KIF6: variants seen among roughly 807,000 people sequenced by gnomAD.
KIF6 encodes the protein kinesin family member 6.
Under a neutral mutation model 112.7 loss-of-function variants are expected in KIF6, and 106 were observed. That is an observed-to-expected ratio of 0.94 (90% confidence interval 0.80 to 1.11). KIF6 has a LOEUF of 1.11. Ranked by LOEUF, KIF6 falls within the 50% of genes least tolerant of loss-of-function variation. KIF6 has a pLI of 0.00. For missense variants in KIF6, 929 were observed against 964.0 expected (o/e 0.96, Z 0.48); for synonymous variants, 339 against 339.9 (o/e 1.00, Z 0.03).
chr6:39,626,989 C>T lies in KIF6; in HGVS notation c.509+7860G>A, dbSNP rs185763879. ...CACCTCATTCCAGTCCTACACACTA[C>T]TAACTGATTTTTCTTCCTAAAAGGC... is the stretch of plus-strand genomic sequence containing the variant. On this transcript the variant is annotated intron_variant, in intron 5 of 22. Transcript: ENST00000287152. 2.1e-3 allele frequency among the ~76,000 whole-genome samples: 319 copies of T among 152,248 alleles called. 1 individual carries two copies. The Middle Eastern group carries it at 0.024, about 11-fold the overall frequency.
chr6:39,646,386 T>G lies in KIF6; in HGVS notation c.252-6629A>C, dbSNP rs201404530. Among the ~76,000 whole-genome samples, 3 of 152,090 alleles carry G rather than the reference T, an allele frequency of 2.0e-5. No individual in the cohort carries two copies. In the South Asian group the frequency reaches 6.2e-4, roughly 32 times the overall value. ...TTGATGTCAGCAGAGGTCTTCTAAC[T>G]ACATTTTGTCCACCCAAAGAATTCC... On this transcript the variant is annotated intron_variant, in intron 3 of 22. Transcript: ENST00000287152.
intron 19 of KIF6, among the ~76,000 whole-genome samples, chr6:39,348,604 G>A (rs1408137108): frequency 6.6e-6 from 1 of 152,104 alleles, no homozygotes; most frequent in Non-Finnish European, 1.5e-5. Context: ...TCATGTTGAC[G>A]CCCCTCTGGA....
At position 39,540,549 on chromosome 6, in the gene KIF6, C is replaced by T. The variant is rs561722711; in HGVS notation, c.1427-328G>A. 6.6e-5 allele frequency among the ~76,000 whole-genome samples: 10 copies of T among 152,352 alleles called. No individual in the cohort carries two copies. In the East Asian group the frequency reaches 1.3e-3, roughly 21 times the overall value. ...AGTAGTAGACAATAGGCTATGTATA[C>T]ATCTTCCCAGATAAAAGATGAATTT... On this transcript the variant is annotated intron_variant, in intron 12 of 22. Transcript: ENST00000287152.
chr6:39,361,643 G>T (rs879638988), intron 17 of KIF6, among the ~76,000 whole-genome samples: 15 of 152,034 alleles, frequency 9.9e-5, no homozygotes, highest in Non-Finnish European at 2.1e-4. Context: ...TGGACGACTG[G>T]CGAGGGCCCC....
chr6:39,337,155 TTTTCTTTCTTTCCTTCC>T (rs1179783180), intron 22 of KIF6, among the ~76,000 whole-genome samples: 991 of 53,648 alleles, frequency 0.018, 58 homozygotes, highest in Non-Finnish European at 0.022. Context: ...TTTCTCTTTC[TTTTCTTTCTTTCCTTCC>T]TTCTTTCTTT....
chr6:39,628,398 G>A (rs973880423), intron 5 of KIF6, among the ~76,000 whole-genome samples: 4 of 152,040 alleles, frequency 2.6e-5, no homozygotes, highest in South Asian at 2.1e-4. Flanking sequence ...GTGTCTGTGT[G>A]TGCATTTAGT....
chr6:39,385,742 T>C (rs997019577), intron 15 of KIF6, 70 bp from the exon 16 acceptor site: 121 of 919,780 alleles, frequency 1.3e-4, no homozygotes, highest in Non-Finnish European at 1.9e-4. Flanking sequence ...CTCAGAAGCA[T>C]GTGGCAAGCT....
chr6:39,563,684 G>A (rs1404881970), intron 10 of KIF6, among the ~76,000 whole-genome samples: 8 of 152,142 alleles, frequency 5.3e-5, no homozygotes, highest in African/African-American at 1.9e-4. Context: ...CACACTCAGT[G>A]AAAGAGTTTG....
chr6:39,679,960 G>T (rs904537093), intron 3 of KIF6, among the ~76,000 whole-genome samples: 1 of 151,474 alleles, frequency 6.6e-6, no homozygotes, highest in East Asian at 2.0e-4. Context: ...TAACCTAACA[G>T]TATATCTTAA....
intron 7 of KIF6, among the ~76,000 whole-genome samples, chr6:39,591,203 C>T (rs766104258): frequency 1.6e-4 from 24 of 152,184 alleles, no homozygotes; most frequent in African/African-American, 5.3e-4. Flanking sequence ...GGCGCTGGGA[C>T]GGGCTCCTGG....
In KIF6 at chr6:39,474,755, G is replaced by A. The variant is rs895721502; in HGVS notation, c.1646-43594C>T. ...TGTGTGTGGTAACGCTGTGATTTGT[G>A]AATTGTGACATAACATGCTTATCTC... On this transcript the variant is annotated intron_variant, in intron 13 of 22. Coordinates refer to ENST00000287152, the MANE Select transcript of KIF6 (RefSeq NM_145027.6). Among the ~76,000 whole-genome samples the A allele has an allele frequency of 2.0e-5, 3 of 152,226 alleles. No homozygotes were observed. In the South Asian group the frequency reaches 6.2e-4, roughly 32 times the overall value.
At chr6:39,644,445 A>G (rs1464755064) in intron 3 of KIF6, among the ~76,000 whole-genome samples, 3 of 152,316 alleles carry the variant, frequency 2.0e-5, no homozygotes, top group Admixed American at 6.5e-5. Flanking sequence ...TGGATAAACA[A>G]GATGTACTGT....
chr6:39,524,101 A>C (rs1340754488), intron 13 of KIF6, among the ~76,000 whole-genome samples: 1 of 151,282 alleles, frequency 6.6e-6, no homozygotes, highest in Admixed American at 6.6e-5. Flanking sequence ...ATAATGTTTT[A>C]TTTCCAAAGT....
Position 39,544,754 on chromosome 6 carries a change from G to C in KIF6, c.1288-61C>G, listed in dbSNP as rs1778977937. The C allele has an allele frequency of 4.7e-6, 5 of 1,059,620 alleles. No individual in the cohort carries two copies. The Middle Eastern group carries it at 1.3e-3, about 266-fold the overall frequency. 65.6% of individuals were successfully genotyped at this position (1,059,620 alleles called of 1,614,324 possible). On this transcript the variant is annotated intron_variant, in intron 11 of 22. Transcript: ENST00000287152. The stretch of plus-strand genomic sequence containing the variant: ...CTAGTCCAAATTTCTTTGTTTCTTT[G>C]ACTCTTTTTCCTTTAACAATTCCCT...
chr6:39,565,177 A>G (rs1254373314), intron 10 of KIF6, among the ~76,000 whole-genome samples: 1 of 151,046 alleles, frequency 6.6e-6, no homozygotes, highest in African/African-American at 2.5e-5. Context: ...TTATTTTTAA[A>G]CACTTGATCT....
rs1323366179 is a variant in KIF6 at position 39,456,759 on chromosome 6, CAA to C, written c.1646-25600_1646-25599del. Among the ~76,000 whole-genome samples, 124 of 83,742 alleles carry C rather than the reference CAA, an allele frequency of 1.5e-3. 1 individual carries two copies. The highest frequency in any genetic ancestry group is 7.7e-3 in the African/African-American group (116 of 15,134). 54.9% of individuals were successfully genotyped at this position (83,742 alleles called of 152,430 possible). ...AAACAGACTTTAAACCAACAAAGATCAAAAGAGACAAAGAAGGCCATTACATA... is the reference window on the plus strand; with the variant it reads ...AAACAGACTTTAAACCAACAAAGATCAAGAGACAAAGAAGGCCATTACATA... On this transcript the variant is annotated intron_variant, in intron 13 of 22. Coordinates refer to ENST00000287152, the MANE Select transcript of KIF6 (RefSeq NM_145027.6).
At chr6:39,405,325 A>C (rs1051238741) in intron 15 of KIF6, among the ~76,000 whole-genome samples, 67 of 152,216 alleles carry the variant, frequency 4.4e-4, no homozygotes, top group African/African-American at 1.4e-3. Flanking sequence ...GTTATTCACC[A>C]TTAATTATGA....
intron 13 of KIF6, among the ~76,000 whole-genome samples, chr6:39,519,914 C>A (rs981975198): frequency 5.9e-5 from 9 of 151,998 alleles, no homozygotes; most frequent in African/African-American, 1.9e-4. Context: ...CCCAGCTACT[C>A]CGGAGGCTGA....
At chr6:39,362,725 C>T (rs145730950) in intron 16 of KIF6, among the ~76,000 whole-genome samples, 12 of 152,274 alleles carry the variant, frequency 7.9e-5, no homozygotes, top group African/African-American at 2.9e-4. Context: ...GCTGTCCCTC[C>T]CACTGCCAAC....
Sources: allele counts gnomAD v4.1 joint callset (sites outside exome capture counted in the v4.1 genomes callset), GRCh38; gene constraint gnomAD v4.1.1; transcripts MANE v1.5; gene names NCBI Gene and HGNC (gene_info 2026-07-23, HGNC 2026-07-21).